The following FBLN2 variants were observed in gnomAD, a reference collection of about 807,000 sequenced individuals.
FBLN2 encodes fibulin 2, also known as fibulin-2.
FBLN2 carries 81 observed loss-of-function variants against 123.7 expected under a neutral mutation model. The ratio of observed to expected loss-of-function variants is 0.65; its 90% confidence interval spans 0.55 to 0.79. The LOEUF is 0.79. Among genes scored for constraint, FBLN2 ranks in the 30% least tolerant of loss-of-function variants. The pLI, the probability that FBLN2 is intolerant of heterozygous loss-of-function variation, is 0.00. For missense variants in FBLN2, 1,603 were observed against 1,681.3 expected (o/e 0.95, Z 0.81); for synonymous variants, 699 against 701.4 (o/e 1.00, Z 0.05).
chr3:13,571,040 C>G lies in FBLN2; in HGVS notation c.685C>G (p.Pro229Ala), dbSNP rs924459048. ...GAVQAGAGGP[P>A]AALGGGSQPL... is the part of the protein sequence containing the mutation. ...AGTCCAGGCAGGCGCAGGGGGCCCC[C>G]CAGCTGCTCTGGGAGGTGGGAGTCA... The change falls in exon 2 of 18, where the codon CCA (proline) becomes GCA (alanine). Residue 229 changes from proline (P) to alanine (A), a missense_variant. Physicochemically the swap from Pro to Ala is conservative, Grantham distance 27 (BLOSUM62 -1). Transcript: ENST00000404922. The G allele has an allele frequency of 6.4e-7, 1 of 1,569,076 alleles. No individual in the cohort carries two copies.
chr3:13,578,201 A>T (rs528390858), intron 2 of FBLN2, among the ~76,000 whole-genome samples: 1 of 152,322 alleles, frequency 6.6e-6, no homozygotes, highest in South Asian at 2.1e-4. Context: ...CTTTATTGAG[A>T]TATTATTTGC....
chr3:13,602,491 T>C (rs985216681), intron 2 of FBLN2, among the ~76,000 whole-genome samples: 17 of 152,214 alleles, frequency 1.1e-4, no homozygotes, highest in African/African-American at 3.9e-4. Flanking sequence ...TGGAATCGCA[T>C]TGAAGTTGTA....
intron 1 of FBLN2, among the ~76,000 whole-genome samples, chr3:13,558,837 C>G (rs1703534956): frequency 6.7e-6 from 1 of 150,122 alleles, no homozygotes; most frequent in Non-Finnish European, 1.5e-5. Flanking sequence ...ATCCATCTAC[C>G]TACTTATCCC....
chr3:13,582,068 G>A (rs1335680687), intron 2 of FBLN2, among the ~76,000 whole-genome samples: 3 of 152,166 alleles, frequency 2.0e-5, no homozygotes, highest in Non-Finnish European at 4.4e-5. Flanking sequence ...TCCCAGAGCT[G>A]TGTTCTCAAT....
intron 3 of FBLN2, among the ~76,000 whole-genome samples, chr3:13,608,477 C>T (rs1260757937): frequency 2.0e-5 from 3 of 152,232 alleles, no homozygotes; most frequent in African/African-American, 4.8e-5. Flanking sequence ...TAGGAATAGT[C>T]GGGTGCTCCC....
intron 4 of FBLN2, among the ~76,000 whole-genome samples, chr3:13,612,362 C>A (rs1415676031): frequency 2.7e-5 from 2 of 75,410 alleles, no homozygotes; most frequent in Non-Finnish European, 4.9e-5. Context: ...TTCTTTCTGT[C>A]TGTCTGTCTC....
At chr3:13,634,830 C>A (rs1195457711) in intron 16 of FBLN2, among the ~76,000 whole-genome samples, 1 of 152,268 alleles carries the variant, frequency 6.6e-6, no homozygotes, top group Admixed American at 6.5e-5. Flanking sequence ...GCCCTGGCAG[C>A]TATGTGACCC....
At chr3:13,565,233 C>T (rs901706897) in intron 1 of FBLN2, among the ~76,000 whole-genome samples, 33 of 152,244 alleles carry the variant, frequency 2.2e-4, no homozygotes, top group African/African-American at 8.0e-4. Flanking sequence ...GGTCCCCCCA[C>T]CCACAGCAGG....
chr3:13,570,106 C>T (rs574318016), intron 1 of FBLN2, among the ~76,000 whole-genome samples: 262 of 152,212 alleles, frequency 1.7e-3, no homozygotes, highest in Non-Finnish European at 2.8e-3. Flanking sequence ...CCTGTGGCGC[C>T]CAGCGACTAG....
intron 1 of FBLN2, among the ~76,000 whole-genome samples, chr3:13,549,807 G>A (rs954279176): frequency 6.6e-6 from 1 of 151,274 alleles, no homozygotes; most frequent in African/African-American, 2.4e-5. Context: ...TGCTCACCCC[G>A]CCAGCTCCCC....
At chr3:13,636,360 G>C in intron 16 of FBLN2, 85 bp from the exon 17 acceptor site, 1 of 1,542,042 alleles carries the variant, frequency 6.5e-7, no homozygotes, top group Non-Finnish European at 8.8e-7. Context: ...CTGCCGTGGG[G>C]CCCAGGCCTT....
chr3:13,570,956 C>T lies in FBLN2; in HGVS notation c.601C>T (p.Gln201Ter). 1.2e-6 allele frequency: 2 copies of T among 1,612,320 alleles called. No individual in the cohort carries two copies. Among genetic ancestry groups the T allele is most frequent in the Non-Finnish European group, 8.5e-7 (1 of 1,179,336 alleles). Residue 201 changes from glutamine (Q) to a stop codon, truncating the protein, a stop_gained, in exon 2 of 18, where the codon CAG becomes TAG. Coordinates refer to ENST00000404922, the MANE Select transcript of FBLN2 (RefSeq NM_001004019.2). LOFTEE classifies it high-confidence loss of function. ...RHYEDPYSYD[Q>*]EVAEVEAATA... Reference sequence around the variant, plus strand: ...CTACGAAGACCCCTACAGCTATGACCAGGAGGTGGCCGAGGTGGAAGCAGC... The same window carrying T: ...CTACGAAGACCCCTACAGCTATGACTAGGAGGTGGCCGAGGTGGAAGCAGC...
intron 2 of FBLN2, among the ~76,000 whole-genome samples, chr3:13,601,404 C>A (rs1296499251): frequency 6.6e-6 from 1 of 152,202 alleles, no homozygotes; most frequent in Non-Finnish European, 1.5e-5. Context: ...CAGAGTGTAA[C>A]AAGAGGGGAC....
rs550645713 is a variant in FBLN2, at chr3:13,564,662, C to G, written c.-41-5653C>G. On this transcript the variant is annotated intron_variant, in intron 1 of 17. Transcript: ENST00000404922. ...ACTGGAGGTGGGAAGACCTTTCCTTCCTGATCCAGTGTCATATCCTGTGGC... is the reference window on the plus strand; with the variant it reads ...ACTGGAGGTGGGAAGACCTTTCCTTGCTGATCCAGTGTCATATCCTGTGGC... Among the ~76,000 whole-genome samples the G allele has an allele frequency of 1.5e-4, 23 of 152,344 alleles. No individual in the cohort carries two copies. In the South Asian group the frequency reaches 4.6e-3, roughly 30 times the overall value.
intron 16 of FBLN2, 149 bp from the exon 17 acceptor site, chr3:13,636,296 T>G: frequency 6.7e-6 from 6 of 898,072 alleles, no homozygotes; most frequent in Non-Finnish European, 9.9e-6. Flanking sequence ...GCCGAGCAGG[T>G]GAGATGGGGC....
intron 3 of FBLN2, 61 bp downstream of exon 3, chr3:13,608,234 G>T (rs1705272415): frequency 1.6e-6 from 2 of 1,267,824 alleles, no homozygotes; most frequent in Non-Finnish European, 2.2e-6. Context: ...AACCCTGCTT[G>T]CCTAGGACCC....
intron 16 of FBLN2, among the ~76,000 whole-genome samples, chr3:13,633,791 T>C (rs1706346176): frequency 6.6e-6 from 1 of 152,178 alleles, no homozygotes; most frequent in South Asian, 2.1e-4. Flanking sequence ...TCCATGAAGG[T>C]AGGGCCCTAT....
chr3:13,628,080 C>A, intron 11 of FBLN2, 111 bp downstream of exon 11: 1 of 1,359,498 alleles, frequency 7.4e-7, no homozygotes, highest in Non-Finnish European at 1.0e-6. Context: ...TGCTCCATTC[C>A]TCTCCCAGCC....
chr3:13,569,772 G>A (rs907722485), intron 1 of FBLN2, among the ~76,000 whole-genome samples: 1 of 152,084 alleles, frequency 6.6e-6, no homozygotes, highest in African/African-American at 2.4e-5. Flanking sequence ...AGCAGCTGTG[G>A]TGCGTGGCTG....
Sources: gnomAD v4.1 joint callset for allele counts (sites outside exome capture counted in the v4.1 genomes callset) on GRCh38, gnomAD v4.1.1 for gene constraint, MANE v1.5 for transcripts, NCBI Gene and HGNC (gene_info 2026-07-23, HGNC 2026-07-21) for gene names.